XKR9: variants seen among roughly 807,000 people sequenced by gnomAD.
XKR9 encodes XK-related protein 9.
In XKR9, 32 loss-of-function variants were observed where a neutral mutation model predicts 32.0. The ratio of observed to expected loss-of-function variants is 1.00; its 90% CI spans 0.76 to 1.34. The LOEUF (loss-of-function observed/expected upper bound fraction) is 1.34. Ranked by LOEUF, XKR9 falls within the 40% of genes most tolerant of loss-of-function variation. The pLI, the probability that XKR9 is intolerant of heterozygous loss-of-function variation, is 0.00. For missense variants in XKR9, 546 were observed against 429.7 expected, an observed-to-expected ratio of 1.27 and a Z score of -2.39; for synonymous variants, 168 against 143.4, an observed-to-expected ratio of 1.17 and a Z score of -1.22.
intron 4 of XKR9, among the ~76,000 whole-genome samples, chr8:70,729,121 G>A (rs922786803): frequency 6.6e-6 from 1 of 152,166 alleles, no homozygotes; most frequent in African/African-American, 2.4e-5. Context: ...TGCCATTCCA[G>A]TCAAAGCCTT....
chr8:71,016,905 T>C, the XKR9 span, among the ~76,000 whole-genome samples: 1 of 152,126 alleles, frequency 6.6e-6, no homozygotes, highest in African/African-American at 2.4e-5. Context: ...GATGTAGATA[T>C]AATTAATAGA....
At chr8:70,905,795 G>T in the XKR9 span, among the ~76,000 whole-genome samples, 1 of 152,178 alleles carries the variant, frequency 6.6e-6, no homozygotes, top group African/African-American at 2.4e-5. Flanking sequence ...GTGACGCACG[G>T]ATGGGGTTTT....
At position 70,718,427 on chromosome 8, in the gene XKR9, A is replaced by G. The variant is rs530095398; in HGVS notation, c.493+11274A>G. Among the ~76,000 whole-genome samples, 6 of 152,148 alleles carry G rather than the reference A, an allele frequency of 3.9e-5. No individual in the cohort carries two copies. The South Asian group carries it at 1.2e-3, about 32-fold the overall frequency. On this transcript the variant is annotated intron_variant, in intron 4 of 4. Coordinates refer to ENST00000408926, the MANE Select transcript of XKR9 (RefSeq NM_001011720.2). ...ATATTATCCCATCATCTAGGTTTTAAGCCCCGCATGCATTAGCTGTTTGTC... is the reference window on the plus strand; with the variant it reads ...ATATTATCCCATCATCTAGGTTTTAGGCCCCGCATGCATTAGCTGTTTGTC...
intron 4 of XKR9, among the ~76,000 whole-genome samples, chr8:70,732,670 T>C (rs2132241486): frequency 6.6e-6 from 1 of 152,360 alleles, no homozygotes; most frequent in African/African-American, 2.4e-5. Context: ...GTTTTTTTTA[T>C]TACTGAAATC....
At chr8:71,014,107 C>A in the XKR9 span, among the ~76,000 whole-genome samples, 1 of 152,148 alleles carries the variant, frequency 6.6e-6, no homozygotes, top group Non-Finnish European at 1.5e-5. Context: ...ATTAGCAGCA[C>A]AATCTGAGTC....
intron 3 of XKR9, among the ~76,000 whole-genome samples, chr8:70,695,466 C>T (rs915956863): frequency 9.2e-5 from 14 of 151,578 alleles, no homozygotes; most frequent in African/African-American, 2.9e-4. Flanking sequence ...CTGAGAATGA[C>T]GGTTTCTAGC....
the XKR9 span, among the ~76,000 whole-genome samples, chr8:70,894,896 G>A: frequency 6.6e-6 from 1 of 152,036 alleles, no homozygotes; most frequent in Non-Finnish European, 1.5e-5. Flanking sequence ...TTAGCATCAG[G>A]GATGAAGGGG....
At chr8:70,673,115 C>A (rs1818771424) in intron 1 of XKR9, among the ~76,000 whole-genome samples, 1 of 152,088 alleles carries the variant, frequency 6.6e-6, no homozygotes, top group Admixed American at 6.6e-5. Flanking sequence ...CTTTTGAGGT[C>A]TTAGCTACAA....
chr8:70,823,310 A>G, the XKR9 span, among the ~76,000 whole-genome samples: 1 of 152,184 alleles, frequency 6.6e-6, no homozygotes, highest in Non-Finnish European at 1.5e-5. Context: ...TCCTCAACCC[A>G]AGATTTTATA....
At chr8:70,883,200 G>C in the XKR9 span, among the ~76,000 whole-genome samples, 1 of 150,596 alleles carries the variant, frequency 6.6e-6, no homozygotes, top group African/African-American at 2.4e-5. Context: ...TCATAGCTTA[G>C]GCTCCCACTT....
the XKR9 span, among the ~76,000 whole-genome samples, chr8:70,968,488 G>C: frequency 9.9e-5 from 15 of 152,280 alleles, no homozygotes; most frequent in African/African-American, 3.4e-4. Context: ...TGCTGGAGAG[G>C]TGTTGTAGTC....
chr8:71,002,748 T>C, the XKR9 span, among the ~76,000 whole-genome samples: 14 of 152,194 alleles, frequency 9.2e-5, no homozygotes, highest in Non-Finnish European at 2.1e-4. Flanking sequence ...AACTCAGACA[T>C]GGAAACATAA....
chr8:70,793,411 A>G (rs1268910826), downstream of XKR9, among the ~76,000 whole-genome samples: 2 of 152,058 alleles, frequency 1.3e-5, no homozygotes, highest in Non-Finnish European at 2.9e-5. Context: ...TGTATTTATA[A>G]AAAGAGGAAG....
chr8:70,799,033 C>CT, the XKR9 span, among the ~76,000 whole-genome samples: 1 of 151,820 alleles, frequency 6.6e-6, no homozygotes, highest in East Asian at 1.9e-4. Flanking sequence ...GCTGTTCAAG[C>CT]TTTTTTTTGG....
At chr8:71,030,727 G>T in the XKR9 span, among the ~76,000 whole-genome samples, 1 of 152,152 alleles carries the variant, frequency 6.6e-6, no homozygotes, top group Admixed American at 6.5e-5. Flanking sequence ...GAGGAGAAGA[G>T]AACTTAAGCA....
chr8:70,884,894 G>A, the XKR9 span, among the ~76,000 whole-genome samples: 13 of 151,990 alleles, frequency 8.6e-5, no homozygotes, highest in African/African-American at 3.1e-4. Context: ...TTTACAATCC[G>A]TTTGTTGATA....
chr8:70,702,056 A>C (rs1805556541), intron 3 of XKR9, among the ~76,000 whole-genome samples: 1 of 152,190 alleles, frequency 6.6e-6, no homozygotes, highest in South Asian at 2.1e-4. Flanking sequence ...CTCCTCCCAC[A>C]GATTCTTAGG....
intron 3 of XKR9, among the ~76,000 whole-genome samples, chr8:70,695,414 G>A (rs1471580852): frequency 6.9e-6 from 1 of 144,650 alleles, no homozygotes; most frequent in Non-Finnish European, 1.5e-5. Flanking sequence ...ACCTATGAGT[G>A]AGAACATGCA....
At chr8:70,799,560 G>C in the XKR9 span, among the ~76,000 whole-genome samples, 2 of 152,090 alleles carry the variant, frequency 1.3e-5, no homozygotes, top group African/African-American at 4.8e-5. Flanking sequence ...ATGAACTCCT[G>C]AGCTCAGGAG....
Sources: allele counts gnomAD v4.1 joint callset (sites outside exome capture counted in the v4.1 genomes callset), GRCh38; gene constraint gnomAD v4.1.1; transcripts MANE v1.5; gene names NCBI Gene and HGNC (gene_info 2026-07-23, HGNC 2026-07-21).